RPS6KA1: variants seen among roughly 807,000 people sequenced by gnomAD.
RPS6KA1 encodes the protein ribosomal protein S6 kinase A1.
Under a neutral mutation model 91.3 loss-of-function variants are expected in RPS6KA1, and 48 were observed. The observed-to-expected ratio is 0.53, with a 90% CI of 0.42 to 0.67. The LOEUF is 0.67. Among genes scored for constraint, RPS6KA1 ranks in the 30% least tolerant of loss-of-function variants. The pLI, the probability that RPS6KA1 is intolerant of heterozygous loss-of-function variation, is 0.00. For missense variants in RPS6KA1, 719 were observed against 960.5 expected (o/e 0.75, Z 3.32); for synonymous variants, 359 against 384.7 (o/e 0.93, Z 0.78).
chr1:26,569,313 G>A (rs1214235743), intron 17 of RPS6KA1, among the ~76,000 whole-genome samples: 1 of 152,188 alleles, frequency 6.6e-6, no homozygotes, highest in Non-Finnish European at 1.5e-5. Flanking sequence ...TAAACTGGAA[G>A]TTCACTTGTG....
Position 26,574,270 on chromosome 1 carries a change from A to G in RPS6KA1, c.*69A>G, listed in dbSNP as rs769704305. 123 of 1,597,820 alleles carry G rather than the reference A, an allele frequency of 7.7e-5. No homozygotes were observed. Among genetic ancestry groups the G allele is most frequent in the Non-Finnish European group, 4.4e-5 (51 of 1,165,636 alleles). ...AGTCAGCATGCTTCCCAGAGGGAGC[A>G]GGCCGGAACCACAGGGCCAGAGGGA... On this transcript the variant is annotated 3_prime_UTR_variant, in exon 22 of 22. Transcript: ENST00000374168. This position sits in a 1 kb window ranked among gnomAD's most constrained non-coding sequence, Gnocchi z 4.3.
intron 17 of RPS6KA1, among the ~76,000 whole-genome samples, chr1:26,569,219 T>A (rs1191402621): frequency 6.6e-6 from 1 of 151,956 alleles, no homozygotes; most frequent in Non-Finnish European, 1.5e-5. Context: ...TTTTCTCCTC[T>A]GTAAAATGGA....
rs200693344 is a variant in RPS6KA1 at position 26,558,917 on chromosome 1, C to A, written c.1195C>A (p.Pro399Thr). Residue 399 changes from proline to threonine, a missense_variant, in exon 14 of 22, where the codon CCC (proline) becomes ACC (threonine). Coordinates refer to ENST00000374168, the MANE Select transcript of RPS6KA1 (RefSeq NM_002953.4). The surrounding 1 kb of genome is among the most constrained non-coding windows in gnomAD (Gnocchi z 4.0). ...DDGKPRAPQAPLHSVVQQLHG... is the reference protein window; with the variant it reads ...DDGKPRAPQATLHSVVQQLHG... The stretch of plus-strand genomic sequence containing the variant: ...CGGCAAGCCTCGTGCCCCGCAGGCA[C>A]CCCTGCACTCGGTGGTACAGGTGAG... 6.5e-5 allele frequency: 105 copies of A among 1,613,228 alleles called. No homozygotes were observed. Among genetic ancestry groups the A allele is most frequent in the Non-Finnish European group, 5.5e-5 (65 of 1,179,422 alleles).
At position 26,551,788 on chromosome 1, in the gene RPS6KA1, C is replaced by A; in HGVS notation, c.468+65C>A. The A allele has an allele frequency of 7.3e-7, 1 of 1,373,034 alleles. No homozygotes were observed. The highest frequency in any genetic ancestry group is 1.0e-6 in the Non-Finnish European group (1 of 961,684). The allele number at this position is 1,373,034 out of a possible 1,614,324, so 85.1% of individuals were successfully genotyped here. ...CTGAGGGACGACAAGTCCTCCCATCCCAGGGCCCTGTACAGAATGTGTTTG... is the reference window on the plus strand; with the variant it reads ...CTGAGGGACGACAAGTCCTCCCATCACAGGGCCCTGTACAGAATGTGTTTG... On this transcript the variant is annotated intron_variant, in intron 6 of 21. Transcript: ENST00000374168. This position sits in a 1 kb window ranked among gnomAD's most constrained non-coding sequence, Gnocchi z 4.5.
chr1:26,566,395 T>A (rs2076202428), intron 17 of RPS6KA1, among the ~76,000 whole-genome samples: 1 of 146,976 alleles, frequency 6.8e-6, no homozygotes, highest in Non-Finnish European at 1.5e-5. Flanking sequence ...GTGATTCTCC[T>A]ACCTCAGCCT....
chr1:26,564,046 C>T (rs1327115364), intron 17 of RPS6KA1, among the ~76,000 whole-genome samples: 3 of 152,096 alleles, frequency 2.0e-5, no homozygotes, highest in Non-Finnish European at 2.9e-5. Flanking sequence ...TCACTTGAAC[C>T]TGGGAGGCAG....
chr1:26,574,364 TCTC>T lies in RPS6KA1; in HGVS notation c.*166_*168del, dbSNP rs779935105. The T allele has an allele frequency of 4.9e-5, 42 of 863,152 alleles. 1 individual carries two copies. In the Admixed American group the frequency reaches 7.2e-4, roughly 15 times the overall value. The allele number at this position is 863,152 out of a possible 1,614,324, so 53.5% of individuals were successfully genotyped here. ...CCTAATGAGGGTGTGAGAAGTGCCT[TCTC>T]CTTCCCCAGGATGGACTCTTCTCGG... On this transcript the variant is annotated 3_prime_UTR_variant, in exon 22 of 22. Coordinates refer to ENST00000374168, the MANE Select transcript of RPS6KA1 (RefSeq NM_002953.4). This position sits in a 1 kb window ranked among gnomAD's most constrained non-coding sequence, Gnocchi z 4.3.
At chr1:26,545,084 G>T (rs1010272318) in intron 2 of RPS6KA1, among the ~76,000 whole-genome samples, 8 of 151,792 alleles carry the variant, frequency 5.3e-5, no homozygotes, top group African/African-American at 1.7e-4. Context: ...GCCTCTGCCT[G>T]TTGGGTGCGT....
intron 1 of RPS6KA1, 27 bp downstream of exon 1, chr1:26,530,010 GC>G: frequency 7.6e-7 from 1 of 1,315,780 alleles, no homozygotes; most frequent in Non-Finnish European, 9.7e-7. Context: ...GGGGACGGGC[GC>G]CCGCGGCCGG....
At chr1:26,545,999 T>C in intron 2 of RPS6KA1, 1 of 1,611,790 alleles carries the variant, frequency 6.2e-7, no homozygotes, top group South Asian at 1.1e-5. Flanking sequence ...CCTCTCTGCC[T>C]GTCCCTGGCC....
In RPS6KA1 at chr1:26,574,014, G is replaced by A; in HGVS notation, c.2086-65G>A. 1 of 1,572,796 alleles carries A rather than the reference G, an allele frequency of 6.4e-7. No homozygotes were observed. The highest frequency in any genetic ancestry group is 8.7e-7 in the Non-Finnish European group (1 of 1,151,920). On this transcript the variant is annotated intron_variant, in intron 21 of 21. Coordinates refer to ENST00000374168, the MANE Select transcript of RPS6KA1 (RefSeq NM_002953.4). The surrounding 1 kb of genome is among the most constrained non-coding windows in gnomAD (Gnocchi z 4.3). ...CTGAGAGGGGCTGGCCTACCCTTGG[G>A]GCATGGATCCCCTCCCCGCTACATC...
At chr1:26,537,094 C>T (rs760870893) in intron 2 of RPS6KA1, 125 bp downstream of exon 2, 68 of 974,390 alleles carry the variant, frequency 7.0e-5, no homozygotes, top group Non-Finnish European at 1.0e-4. Context: ...TCTCAGGGCC[C>T]ACCGAATCCT....
intron 13 of RPS6KA1, among the ~76,000 whole-genome samples, 173 bp downstream of exon 13, chr1:26,557,273 G>A (rs1163606615): frequency 1.3e-5 from 2 of 152,030 alleles, no homozygotes; most frequent in Admixed American, 6.6e-5. Context: ...GTCTCACTCC[G>A]CCCGACTCTC....
chr1:26,542,391 G>A (rs2075955396), intron 2 of RPS6KA1, among the ~76,000 whole-genome samples: 1 of 152,234 alleles, frequency 6.6e-6, no homozygotes, highest in African/African-American at 2.4e-5. Context: ...CCGTGTGTGC[G>A]TGGGGGCATG....
chr1:26,555,646 G>C lies in RPS6KA1; in HGVS notation c.916+21G>C. On this transcript the variant is annotated intron_variant, in intron 11 of 21. Transcript: ENST00000374168. This position sits in a 1 kb window ranked among gnomAD's most constrained non-coding sequence, Gnocchi z 4.3. ...GCTCGGTAAGCAGCCCCAGCTCAGG[G>C]GAGGGGATGTGGCGATGGGGAGCCG... The C allele has an allele frequency of 1.3e-6, 2 of 1,575,038 alleles. No individual in the cohort carries two copies. The highest frequency in any genetic ancestry group is 1.7e-6 in the Non-Finnish European group (2 of 1,159,094).
At position 26,530,794 on chromosome 1, in the gene RPS6KA1, G is replaced by C. The variant is rs76616945; in HGVS notation, c.63+811G>C. On this transcript the variant is annotated intron_variant, in intron 1 of 21. Transcript: ENST00000374168. ...GGCTCTGTGGCTCCAGTCCCTAAGC[G>C]TGCAGAAGGCCACCTCTTCCTGTGC... 2.6e-3 allele frequency: 3,292 copies of C among 1,288,616 alleles called. 68 individuals are homozygous for C. The African/African-American group carries it at 0.044, about 17-fold the overall frequency. 79.8% of individuals were successfully genotyped at this position (1,288,616 alleles called of 1,614,324 possible).
intron 2 of RPS6KA1, among the ~76,000 whole-genome samples, chr1:26,539,638 T>C (rs2075931772): frequency 6.6e-6 from 1 of 152,232 alleles, no homozygotes; most frequent in East Asian, 1.9e-4. Flanking sequence ...TGCTGTTTAA[T>C]GCTTGTTTAT....
At chr1:26,553,743 A>G in intron 7 of RPS6KA1, 1 of 298,028 alleles carries the variant, frequency 3.4e-6, no homozygotes, top group South Asian at 7.4e-5. Context: ...CTAGTGTGAC[A>G]TTTGAGATGC....
At chr1:26,544,790 G>T (rs2075978018) in intron 2 of RPS6KA1, among the ~76,000 whole-genome samples, 1 of 152,054 alleles carries the variant, frequency 6.6e-6, no homozygotes, top group Non-Finnish European at 1.5e-5. Context: ...TTGGGTTTAT[G>T]TCCCCTTCTG....
Sources: gnomAD v4.1 joint callset for allele counts (sites outside exome capture counted in the v4.1 genomes callset) on GRCh38, gnomAD v4.1.1 for gene constraint, Gnocchi (gnomAD v3.1) non-coding constraint, MANE v1.5 for transcripts, NCBI Gene and HGNC (gene_info 2026-07-23, HGNC 2026-07-21) for gene names.